UXS1: variants seen among roughly 807,000 people sequenced by gnomAD.
The protein encoded by UXS1 is UDP-glucuronic acid decarboxylase 1.
Under a neutral mutation model 62.6 loss-of-function variants are expected in UXS1, and 33 were observed. The observed-to-expected ratio is 0.53, with a 90% CI of 0.40 to 0.70. The LOEUF (loss-of-function observed/expected upper bound fraction) is 0.70, where lower values mean the gene tolerates loss of function less well. Ranked by LOEUF, UXS1 falls within the 30% of genes least tolerant of loss-of-function variation. The pLI is 0.00. For missense variants in UXS1, 434 were observed against 556.3 expected (o/e 0.78, Z 2.21); for synonymous variants, 213 against 206.8 (o/e 1.03, Z -0.26).
chr2:106,119,029 T>A (rs1374985596), intron 9 of UXS1, among the ~76,000 whole-genome samples: 2 of 152,234 alleles, frequency 1.3e-5, no homozygotes, highest in Non-Finnish European at 2.9e-5. Context: ...GCATAAATCC[T>A]AACACACAAA....
intron 3 of UXS1, 24 bp from the exon 4 acceptor site, chr2:106,163,734 A>C (rs892139506): frequency 1.4e-6 from 2 of 1,405,124 alleles, no homozygotes; most frequent in Non-Finnish European, 1.9e-6. Context: ...AACAAAAATC[A>C]GTTTTAAAGC....
At chr2:106,162,313 G>A (rs1392475124) in intron 4 of UXS1, among the ~76,000 whole-genome samples, 2 of 152,158 alleles carry the variant, frequency 1.3e-5, no homozygotes, top group Non-Finnish European at 2.9e-5. Flanking sequence ...CAGTTTAAAA[G>A]CACACACTCA....
In UXS1 at chr2:106,164,784, C is replaced by G. The variant is rs1319816290; in HGVS notation, c.138G>C (p.Arg46Ser). 1.3e-6 allele frequency: 2 copies of G among 1,590,374 alleles called. No individual in the cohort carries two copies. Among genetic ancestry groups the G allele is most frequent in the Non-Finnish European group, 8.6e-7 (1 of 1,168,040 alleles). Residue 46 changes from arginine to serine, a missense_variant, in exon 3 of 15, where the codon AGG becomes AGC. Physicochemically the swap from Arg to Ser is moderately radical, Grantham distance 110 (BLOSUM62 -1). Transcript: ENST00000283148. ...NFVNMSFLLNRSIQENGELKI... is the reference protein window; with the variant it reads ...NFVNMSFLLNSSIQENGELKI... ...TTAGTTCACCATTTTCCTGGATAGA[C>G]CTGTTGAGTAGAAAGCTATAAAACT...
intron 6 of UXS1, among the ~76,000 whole-genome samples, chr2:106,130,003 C>CT (rs1558706446): frequency 1.3e-5 from 2 of 152,168 alleles, no homozygotes; most frequent in East Asian, 3.8e-4. Flanking sequence ...TCAGCTGAGT[C>CT]TGTTCTCGTG....
intron 6 of UXS1, among the ~76,000 whole-genome samples, chr2:106,143,420 A>AAAAAAAAAAAAAAAAC: frequency 6.9e-6 from 1 of 144,398 alleles, no homozygotes; most frequent in South Asian, 2.2e-4. Flanking sequence ...AAAAAAAAAA[A>AAAAAAAAAAAAAAAAC]AAAAAAAAAA....
intron 9 of UXS1, among the ~76,000 whole-genome samples, chr2:106,121,272 A>G (rs192382824): frequency 7.2e-5 from 11 of 152,322 alleles, no homozygotes; most frequent in East Asian, 1.9e-4. Context: ...GCCAAATACC[A>G]TAATTATCGC....
Position 106,112,598 on chromosome 2 carries a change from C to T in UXS1, c.879+48G>A, listed in dbSNP as rs557428209. On this transcript the variant is annotated intron_variant, in intron 10 of 14. Transcript: ENST00000283148. Reference sequence around the variant, plus strand: ...TTATCCCTCATCCTTTGTGAGCTGACTTCGATTTGGGTTGCAAGGTGCTCC... The same window carrying T: ...TTATCCCTCATCCTTTGTGAGCTGATTTCGATTTGGGTTGCAAGGTGCTCC... 115 of 1,605,344 alleles carry T rather than the reference C, an allele frequency of 7.2e-5. No individual in the cohort carries two copies. In the South Asian group the frequency reaches 1.2e-3, roughly 17 times the overall value.
chr2:106,143,237 T>C (rs1681269829), intron 6 of UXS1, among the ~76,000 whole-genome samples: 1 of 150,488 alleles, frequency 6.6e-6, no homozygotes, highest in African/African-American at 2.4e-5. Flanking sequence ...TGAAACCCCG[T>C]CTCTACTAAA....
intron 1 of UXS1, among the ~76,000 whole-genome samples, chr2:106,186,963 G>A (rs1168465276): frequency 2.6e-5 from 4 of 151,952 alleles, no homozygotes; most frequent in Non-Finnish European, 5.9e-5. Context: ...TTATATAGAA[G>A]AATACCTTTA....
At chr2:106,182,681 G>A (rs1200424804) in intron 1 of UXS1, among the ~76,000 whole-genome samples, 2 of 152,082 alleles carry the variant, frequency 1.3e-5, no homozygotes, top group Non-Finnish European at 2.9e-5. Context: ...TCAGTGCTCT[G>A]GGCTCATTCT....
intron 4 of UXS1, among the ~76,000 whole-genome samples, chr2:106,161,095 G>A (rs148912473): frequency 2.6e-4 from 38 of 148,582 alleles, no homozygotes; most frequent in Non-Finnish European, 4.3e-4. Flanking sequence ...GTGACCATGT[G>A]GGTGCCGTTG....
intron 5 of UXS1, 165 bp from the exon 6 acceptor site, chr2:106,145,535 A>C (rs1313510776): frequency 2.6e-6 from 2 of 761,130 alleles, no homozygotes; most frequent in Admixed American, 6.9e-5. Flanking sequence ...CTTGACTCTT[A>C]CTGCAGAACA....
chr2:106,112,702 C>T lies in UXS1; in HGVS notation c.823G>A (p.Asp275Asn), dbSNP rs1320878870. Reference sequence around the variant, plus strand: ...ATGAAGTTGCTGACTACTCGCCCATCGTTCATGTGCATGCGTGGCCCAAAG... The same window carrying T: ...ATGAAGTTGCTGACTACTCGCCCATTGTTCATGTGCATGCGTGGCCCAAAG... Reference protein sequence around the residue: ...NTFGPRMHMNDGRVVSNFILQ... With the variant: ...NTFGPRMHMNNGRVVSNFILQ... Residue 275 changes from aspartate (D) to asparagine (N), a missense_variant, in exon 10 of 15, where the codon GAT becomes AAT. This residue lies in a region of UXS1 where 209 missense variants were observed against 233.3 expected (regional missense o/e 0.90). Coordinates refer to ENST00000283148, the MANE Select transcript of UXS1 (RefSeq NM_001253875.2). The T allele has an allele frequency of 1.9e-6, 3 of 1,614,018 alleles. No individual in the cohort carries two copies. The highest frequency in any genetic ancestry group is 2.2e-5 in the East Asian group (1 of 44,876).
At chr2:106,157,917 G>T in intron 5 of UXS1, 141 bp downstream of exon 5, 1 of 716,134 alleles carries the variant, frequency 1.4e-6, no homozygotes, top group Non-Finnish European at 2.3e-6. Flanking sequence ...GAATCAGAAT[G>T]CGGTGCTAAC....
chr2:106,106,869 T>C (rs1678118759), intron 10 of UXS1, among the ~76,000 whole-genome samples: 1 of 152,230 alleles, frequency 6.6e-6, no homozygotes, highest in Non-Finnish European at 1.5e-5. Context: ...GATGAGGTAA[T>C]GGAAGGTCAA....
intron 5 of UXS1, among the ~76,000 whole-genome samples, chr2:106,152,706 T>C (rs751685491): frequency 5.3e-5 from 8 of 152,108 alleles, no homozygotes; most frequent in Non-Finnish European, 1.0e-4. Context: ...GGGAATGTGC[T>C]GGGTGTGGCC....
At chr2:106,137,099 G>C (rs1159698420) in intron 6 of UXS1, among the ~76,000 whole-genome samples, 1 of 151,382 alleles carries the variant, frequency 6.6e-6, no homozygotes, top group African/African-American at 2.4e-5. Context: ...TAAAATTATT[G>C]ATGGTCTGTC....
At chr2:106,148,617 T>C (rs1330018997) in intron 5 of UXS1, among the ~76,000 whole-genome samples, 1 of 152,226 alleles carries the variant, frequency 6.6e-6, no homozygotes, top group East Asian at 1.9e-4. Flanking sequence ...TGGAATTTTT[T>C]TTTCTGAAGT....
intron 1 of UXS1, among the ~76,000 whole-genome samples, chr2:106,177,847 C>T (rs1054244110): frequency 6.6e-6 from 1 of 152,196 alleles, no homozygotes; most frequent in Non-Finnish European, 1.5e-5. Context: ...GCTCCCAAAG[C>T]AGAAACTCTG....
Sources: allele counts gnomAD v4.1 joint callset (sites outside exome capture counted in the v4.1 genomes callset), GRCh38; gene constraint gnomAD v4.1.1; regional missense constraint gnomAD v4.1.1; transcripts MANE v1.5; gene names NCBI Gene and HGNC (gene_info 2026-07-23, HGNC 2026-07-21).